TESMIN: variants seen among roughly 807,000 people sequenced by gnomAD.
TESMIN encodes CXC domain containing 2.
A neutral mutation model predicts 47.4 loss-of-function variants in TESMIN; 34 were observed. The ratio of observed to expected loss-of-function variants is 0.72; its 90% CI spans 0.55 to 0.96. The LOEUF (loss-of-function observed/expected upper bound fraction) is 0.96, where lower values mean the gene tolerates loss of function less well. Among genes scored for constraint, TESMIN ranks in the 40% least tolerant of loss-of-function variants. The pLI is 0.00. For synonymous variants in TESMIN, 278 were observed against 258.9 expected (o/e 1.07, Z -0.71); for missense variants, 610 against 637.2 (o/e 0.96, Z 0.46).
chr11:68,736,425 C>T (rs1946387768), intron 6 of TESMIN: 1 of 985,320 alleles, frequency 1.0e-6, no homozygotes, highest in African/African-American at 1.7e-5. Context: ...TTAGATATGG[C>T]TGAACCACAC....
At chr11:68,740,331 G>A (rs145710395) in intron 5 of TESMIN, among the ~76,000 whole-genome samples, 7 of 152,150 alleles carry the variant, frequency 4.6e-5, no homozygotes, top group Non-Finnish European at 1.0e-4. Flanking sequence ...AACGATTCTC[G>A]AGAAGCAGCA....
intron 6 of TESMIN, among the ~76,000 whole-genome samples, chr11:68,726,867 C>T (rs966270043): frequency 1.3e-5 from 2 of 151,742 alleles, no homozygotes; most frequent in Non-Finnish European, 2.9e-5. Flanking sequence ...TCCTTGAGCT[C>T]AGGAGTTTGA....
intron 6 of TESMIN, among the ~76,000 whole-genome samples, chr11:68,723,692 G>A (rs1209488760): frequency 6.6e-6 from 1 of 151,884 alleles, no homozygotes; most frequent in Non-Finnish European, 1.5e-5. Flanking sequence ...TCTAGAAAAG[G>A]TCAAAGGCCA....
At chr11:68,727,564 C>T (rs1946280012) in intron 6 of TESMIN, among the ~76,000 whole-genome samples, 1 of 152,236 alleles carries the variant, frequency 6.6e-6, no homozygotes, top group African/African-American at 2.4e-5. Flanking sequence ...GACAGTGCTC[C>T]TTCTCACTCT....
chr11:68,750,177 A>G lies in TESMIN; in HGVS notation c.471+13T>C. 1 of 1,461,144 alleles carries G rather than the reference A, an allele frequency of 6.8e-7. No individual in the cohort carries two copies. The highest frequency in any genetic ancestry group is 9.0e-7 in the Non-Finnish European group (1 of 1,115,716). The allele number at this position is 1,461,144 out of a possible 1,614,324, so 90.5% of individuals were successfully genotyped here. A position where few individuals can be genotyped will look rare whatever the true frequency, so the allele number is the denominator to read the frequency against. ...GGAGGGGGAGCTGTGCCCATTCCCC[A>G]GGCGGTTCTTACTGGGATCATGCGG... is the stretch of plus-strand genomic sequence containing the variant. On this transcript the variant is annotated intron_variant, in intron 2 of 9. Transcript: ENST00000255087.
intron 6 of TESMIN, chr11:68,736,810 G>A (rs1946392161): frequency 5.1e-6 from 5 of 977,484 alleles, no homozygotes; most frequent in Non-Finnish European, 6.1e-6. Context: ...AGGAGGGGAC[G>A]AGAAGAGGAA....
downstream of TESMIN, among the ~76,000 whole-genome samples, chr11:68,705,111 G>T (rs573857536): frequency 3.3e-5 from 5 of 152,324 alleles, no homozygotes; most frequent in South Asian, 1.0e-3. Flanking sequence ...TGGGGAGAGA[G>T]TGCAGCACGG....
At chr11:68,710,598 C>A in intron 9 of TESMIN, 1 of 386,812 alleles carries the variant, frequency 2.6e-6, no homozygotes, top group Non-Finnish European at 4.6e-6. Context: ...ATCCTGGCAG[C>A]AGGGCTCTTT....
chr11:68,750,604 C>T lies in TESMIN; in HGVS notation c.57G>A (p.Thr19=). The change falls in exon 2 of 10, where the codon ACG becomes ACA. Residue 19 remains threonine (T), a synonymous_variant. Transcript: ENST00000255087. ...GLPSPEDAMV[T]ELLSPEGPFA... is the part of the protein sequence containing the mutation. Reference sequence around the variant, plus strand: ...ACGGACCCTCGGGGCTTAAGAGCTCCGTCACCATCGCATCCTCGGGGCTGG... The same window carrying T: ...ACGGACCCTCGGGGCTTAAGAGCTCTGTCACCATCGCATCCTCGGGGCTGG... 1 of 1,600,212 alleles carries T rather than the reference C, an allele frequency of 6.2e-7. No individual in the cohort carries two copies.
intron 6 of TESMIN, among the ~76,000 whole-genome samples, chr11:68,735,660 G>T (rs912459622): frequency 2.6e-5 from 4 of 152,216 alleles, no homozygotes; most frequent in Non-Finnish European, 5.9e-5. Flanking sequence ...TACGGACTGT[G>T]CACATGGTGC....
At chr11:68,714,992 C>T (rs763446259) in intron 7 of TESMIN, among the ~76,000 whole-genome samples, 1 of 152,194 alleles carries the variant, frequency 6.6e-6, no homozygotes, top group Non-Finnish European at 1.5e-5. Flanking sequence ...TTCTTCTGTC[C>T]TATGGCTCTG....
At chr11:68,748,461 T>C (rs1594304884) in intron 2 of TESMIN, among the ~76,000 whole-genome samples, 1 of 152,246 alleles carries the variant, frequency 6.6e-6, no homozygotes, top group East Asian at 1.9e-4. Context: ...AGTTTAGATT[T>C]AACTTATCTC....
intron 3 of TESMIN, among the ~76,000 whole-genome samples, chr11:68,746,170 T>TACACACACACACACACACACAC (rs56975910): frequency 1.4e-4 from 21 of 149,606 alleles, no homozygotes; most frequent in African/African-American, 5.1e-4. Context: ...AAGTTATAGC[T>TACACACACACACACACACACAC]ACACACACAC....
chr11:68,750,397 G>A lies in TESMIN; in HGVS notation c.264C>T (p.Ser88=). ...QVKAKLAGGD[S]DGGELLGEYP... is the part of the protein sequence containing the mutation. Reference sequence around the variant, plus strand: ...ACTCCCCGAGGAGCTCCCCGCCGTCGCTGTCGCCCCCCGCGAGCTTCGCCT... The same window carrying A: ...ACTCCCCGAGGAGCTCCCCGCCGTCACTGTCGCCCCCCGCGAGCTTCGCCT... Residue 88 remains serine (S), a synonymous_variant, in exon 2 of 10, where the codon AGC becomes AGT. Transcript: ENST00000255087. The A allele has an allele frequency of 6.6e-7, 1 of 1,516,194 alleles. No homozygotes were observed. Among genetic ancestry groups the A allele is most frequent in the Admixed American group, 2.1e-5 (1 of 47,696 alleles). 93.9% of individuals were successfully genotyped at this position (1,516,194 alleles called of 1,614,324 possible). A position where few individuals can be genotyped will look rare whatever the true frequency, so the allele number is the denominator to read the frequency against.
intron 5 of TESMIN, among the ~76,000 whole-genome samples, chr11:68,740,684 A>G (rs886198519): frequency 1.3e-5 from 2 of 152,198 alleles, no homozygotes; most frequent in Non-Finnish European, 2.9e-5. Flanking sequence ...ATCTTGGCCA[A>G]TGTATCACTT....
chr11:68,738,355 C>T (rs574483181), intron 6 of TESMIN: 37 of 1,019,998 alleles, frequency 3.6e-5, no homozygotes, highest in Admixed American at 1.6e-4. Flanking sequence ...TTTCCACGGA[C>T]GACAGCAAAA....
Position 68,747,188 on chromosome 11 carries a change from ATCT to A in TESMIN, c.630+17_630+19del, listed in dbSNP as rs756143930. The A allele has an allele frequency of 2.5e-6, 4 of 1,610,806 alleles. No individual in the cohort carries two copies. In the African/African-American group the frequency reaches 4.0e-5, roughly 16 times the overall value. Reference sequence around the variant, plus strand: ...ATTTAGTATAATGTTAGTCCTACACATCTTCTTTAGCATAATTACCATTGGGTT... The same window carrying A: ...ATTTAGTATAATGTTAGTCCTACACATCTTTAGCATAATTACCATTGGGTT... On this transcript the variant is annotated intron_variant, in intron 3 of 9. Transcript: ENST00000255087.
chr11:68,713,190 C>A, intron 8 of TESMIN, 80 bp downstream of exon 8: 1 of 1,388,558 alleles, frequency 7.2e-7, no homozygotes, highest in Non-Finnish European at 9.7e-7. Flanking sequence ...TAAATTACAG[C>A]AAAGTTTTTT....
intron 6 of TESMIN, chr11:68,738,269 T>C: frequency 2.0e-6 from 2 of 999,706 alleles, no homozygotes; most frequent in Non-Finnish European, 2.4e-6. Context: ...CAACTCAGCA[T>C]GGAAGGCAGC....
Sources: gnomAD v4.1 joint callset for allele counts (sites outside exome capture counted in the v4.1 genomes callset) on GRCh38, gnomAD v4.1.1 for gene constraint, MANE v1.5 for transcripts, NCBI Gene and HGNC (gene_info 2026-07-23, HGNC 2026-07-21) for gene names.